The following ZNF385B variants were observed in gnomAD, a reference collection of about 807,000 sequenced individuals.
ZNF385B encodes zinc finger protein 385B.
In ZNF385B, 23 loss-of-function variants were observed where a neutral mutation model predicts 39.2. The observed-to-expected ratio is 0.59, with a 90% confidence interval of 0.42 to 0.83. ZNF385B has a LOEUF of 0.83. Among genes scored for constraint, ZNF385B ranks in the 40% least tolerant of loss-of-function variants. The pLI is 0.00. For synonymous variants in ZNF385B, 205 were observed against 222.6 expected (o/e 0.92, Z 0.70); for missense variants, 552 against 598.9 (o/e 0.92, Z 0.82).
At chr2:179,485,161 A>C (rs1212898814) in intron 5 of ZNF385B, among the ~76,000 whole-genome samples, 1 of 152,202 alleles carries the variant, frequency 6.6e-6, no homozygotes, top group Non-Finnish European at 1.5e-5. Context: ...CACAGAAAGG[A>C]AGGCAGCAGA....
intron 3 of ZNF385B, among the ~76,000 whole-genome samples, chr2:179,649,708 T>C (rs1434724640): frequency 6.6e-6 from 1 of 152,186 alleles, no homozygotes; most frequent in Non-Finnish European, 1.5e-5. Context: ...TTTATTTTGT[T>C]TTACTCTGAA....
intron 1 of ZNF385B, among the ~76,000 whole-genome samples, chr2:179,831,534 G>C (rs1330047074): frequency 6.7e-6 from 1 of 150,046 alleles, no homozygotes; most frequent in Non-Finnish European, 1.5e-5. Context: ...TCTAAATTAA[G>C]ATTTTTTGTT....
intron 3 of ZNF385B, among the ~76,000 whole-genome samples, chr2:179,632,066 C>T (rs1017562157): frequency 6.6e-6 from 1 of 151,994 alleles, no homozygotes; most frequent in Non-Finnish European, 1.5e-5. Context: ...CCTTAGAGAC[C>T]TACAAAGAGA....
At chr2:179,774,220 G>A (rs1015582101) in intron 1 of ZNF385B, among the ~76,000 whole-genome samples, 12 of 151,680 alleles carry the variant, frequency 7.9e-5, no homozygotes, top group South Asian at 2.1e-4. Context: ...TGGGATGTAC[G>A]GGGAGTGTAG....
intron 1 of ZNF385B, among the ~76,000 whole-genome samples, chr2:179,844,755 T>C (rs754900166): frequency 2.8e-4 from 42 of 152,316 alleles, no homozygotes; most frequent in Non-Finnish European, 5.3e-4. Flanking sequence ...GGATGTTTAA[T>C]TGTGGCCCTA....
At chr2:179,529,233 C>T (rs1267465382) in intron 4 of ZNF385B, among the ~76,000 whole-genome samples, 2 of 152,170 alleles carry the variant, frequency 1.3e-5, no homozygotes, top group Non-Finnish European at 2.9e-5. Flanking sequence ...CCAAATGCAA[C>T]TGCTGTTTTC....
intron 1 of ZNF385B, among the ~76,000 whole-genome samples, chr2:179,783,784 C>T (rs1704820245): frequency 6.6e-6 from 1 of 152,038 alleles, no homozygotes; most frequent in South Asian, 2.1e-4. Flanking sequence ...CCATCTTACA[C>T]CAGTCAGAAT....
chr2:179,745,878 T>C, intron 3 of ZNF385B: 1 of 1,280,334 alleles, frequency 7.8e-7, no homozygotes, highest in East Asian at 3.0e-5. Flanking sequence ...GTTATATCAG[T>C]GCCGCTCCAA....
chr2:179,825,028 C>G (rs1707603232), intron 1 of ZNF385B, among the ~76,000 whole-genome samples: 1 of 152,182 alleles, frequency 6.6e-6, no homozygotes, highest in Non-Finnish European at 1.5e-5. Flanking sequence ...AAACACAGCA[C>G]TGCTTCTAAC....
Position 179,544,924 on chromosome 2 carries a change from G to A in ZNF385B, c.344C>T (p.Pro115Leu). The change falls in exon 4 of 10, where the codon CCT becomes CTT. Residue 115 changes from proline (P) to leucine (L), a missense_variant. Physicochemically the swap from Pro to Leu is moderately conservative, Grantham distance 98 (BLOSUM62 -3). Transcript: ENST00000410066. ...CAGTGAAGGCTGCATCATCAGGGTA[G>A]GTGTGCGCACAAGAGCAGGAAGGGT... ...TTTLPALVRT[P>L]TLMMQPSLDI... is the part of the protein sequence containing the mutation. 6 of 1,614,092 alleles carry A rather than the reference G, an allele frequency of 3.7e-6. No homozygotes were observed. The highest frequency in any genetic ancestry group is 5.1e-6 in the Non-Finnish European group (6 of 1,179,982).
chr2:179,642,464 T>G (rs1450362862), intron 3 of ZNF385B, among the ~76,000 whole-genome samples: 4 of 152,166 alleles, frequency 2.6e-5, no homozygotes, highest in Admixed American at 2.6e-4. Context: ...TCCTCTTTTT[T>G]TTCTCATAGA....
chr2:179,661,129 A>G (rs1694419083), intron 3 of ZNF385B, among the ~76,000 whole-genome samples: 2 of 152,218 alleles, frequency 1.3e-5, no homozygotes, highest in Non-Finnish European at 2.9e-5. Flanking sequence ...TAAAAATAGG[A>G]AAACTGAGGG....
At chr2:179,663,713 C>CAAAAAAAAAAAA (rs71401756) in intron 3 of ZNF385B, among the ~76,000 whole-genome samples, 3 of 67,730 alleles carry the variant, frequency 4.4e-5, no homozygotes, top group Admixed American at 1.8e-4. Context: ...GACTCCGTCT[C>CAAAAAAAAAAAA]AAAAAAAAAA....
chr2:179,537,762 CAAACAAAAA>C (rs958238709), intron 4 of ZNF385B, among the ~76,000 whole-genome samples: 9 of 133,760 alleles, frequency 6.7e-5, no homozygotes, highest in Middle Eastern at 4.4e-3. Flanking sequence ...AACAAACAAA[CAAACAAAAA>C]AAAAAATTAA....
chr2:179,590,399 A>G (rs1294386560), intron 3 of ZNF385B, among the ~76,000 whole-genome samples: 1 of 152,134 alleles, frequency 6.6e-6, no homozygotes, highest in African/African-American at 2.4e-5. Context: ...TACCTGCGCC[A>G]TTTTGCCTAT....
chr2:179,573,199 T>G (rs1685430306), intron 3 of ZNF385B, among the ~76,000 whole-genome samples: 1 of 152,204 alleles, frequency 6.6e-6, no homozygotes, highest in African/African-American at 2.4e-5. Flanking sequence ...TTTCAGACGT[T>G]GCATATGCAT....
rs35079947 is a variant in ZNF385B at position 179,636,484 on chromosome 2, G to A, written c.299-91515C>T. 4.2e-3 allele frequency among the ~76,000 whole-genome samples: 640 copies of A among 152,300 alleles called. 7 individuals are homozygous for A. Among genetic ancestry groups the A allele is most frequent in the South Asian group, 0.013 (64 of 4,824 alleles). ...CAACATGAGGAAAAGTGAGATGAAG[G>A]AAAAGCTGGAATGGAACAAAACAGT... On this transcript the variant is annotated intron_variant, in intron 3 of 9. Coordinates refer to ENST00000410066, the MANE Select transcript of ZNF385B (RefSeq NM_152520.6).
chr2:179,692,575 C>T (rs866516163), intron 3 of ZNF385B, among the ~76,000 whole-genome samples: 3 of 152,200 alleles, frequency 2.0e-5, no homozygotes, highest in African/African-American at 4.8e-5. Context: ...TAGCACTTTA[C>T]GTTTCACAAA....
chr2:179,493,679 A>ATGTATACACATATG (rs1308631208), intron 5 of ZNF385B, among the ~76,000 whole-genome samples: 8 of 110,268 alleles, frequency 7.3e-5, no homozygotes, highest in South Asian at 5.6e-4. Context: ...ATATGCATAT[A>ATGTATACACATATG]CATATACACA....
Sources: allele counts gnomAD v4.1 joint callset (sites outside exome capture counted in the v4.1 genomes callset), GRCh38; gene constraint gnomAD v4.1.1; transcripts MANE v1.5; gene names NCBI Gene and HGNC (gene_info 2026-07-23, HGNC 2026-07-21).